MCHR2: variants seen among roughly 807,000 people sequenced by gnomAD.
MCHR2 encodes the protein melanin-concentrating hormone receptor 2.
In MCHR2, 15 loss-of-function variants were observed where a neutral mutation model predicts 24.8. That is an observed-to-expected ratio of 0.60 (90% CI 0.40 to 0.93). The LOEUF (loss-of-function observed/expected upper bound fraction) is 0.93. MCHR2 is among the 40% of genes least tolerant of loss of function. The pLI is 0.00. For missense variants in MCHR2, 386 were observed against 408.7 expected (o/e 0.94, Z 0.48); for synonymous variants, 151 against 147.6 (o/e 1.02, Z -0.17).
intron 5 of MCHR2, among the ~76,000 whole-genome samples, chr6:99,929,095 A>AC (rs1438446305): frequency 1.3e-5 from 2 of 151,792 alleles, no homozygotes; most frequent in Non-Finnish European, 2.9e-5. Flanking sequence ...TTCGTTATAT[A>AC]CCCAGTAGTC....
intron 1 of MCHR2, among the ~76,000 whole-genome samples, chr6:99,977,376 G>A (rs1257775476): frequency 6.6e-6 from 1 of 152,112 alleles, no homozygotes; most frequent in African/African-American, 2.4e-5. Flanking sequence ...TTCACACATA[G>A]TTGGAGGGAA....
At chr6:99,981,178 A>G (rs1480533872) in intron 1 of MCHR2, among the ~76,000 whole-genome samples, 2 of 152,160 alleles carry the variant, frequency 1.3e-5, no homozygotes, top group African/African-American at 4.8e-5. Flanking sequence ...TTTCACTTTA[A>G]AAGTACAGAT....
At chr6:99,980,500 T>C (rs542062240) in intron 1 of MCHR2, among the ~76,000 whole-genome samples, 1 of 152,156 alleles carries the variant, frequency 6.6e-6, no homozygotes, top group African/African-American at 2.4e-5. Flanking sequence ...GGAAGAGCTG[T>C]CCAAATAGTC....
chr6:99,961,563 G>A (rs1775189072), intron 1 of MCHR2, among the ~76,000 whole-genome samples: 1 of 152,098 alleles, frequency 6.6e-6, no homozygotes, highest in Non-Finnish European at 1.5e-5. Flanking sequence ...GCGGGGACAT[G>A]GATGAAGCTG....
At chr6:99,969,706 TC>T (rs1015413230) in intron 1 of MCHR2, among the ~76,000 whole-genome samples, 46 of 87,696 alleles carry the variant, frequency 5.2e-4, no homozygotes, top group Admixed American at 4.0e-3. Flanking sequence ...CTCCTATCCC[TC>T]CCCCCTCCCC....
intron 2 of MCHR2, among the ~76,000 whole-genome samples, chr6:99,948,748 A>T (rs1458581787): frequency 6.6e-6 from 1 of 152,218 alleles, no homozygotes; most frequent in Non-Finnish European, 1.5e-5. Flanking sequence ...TAGTATTTAA[A>T]ACAGCTGAAG....
chr6:99,990,013 G>C (rs1396652556), intron 1 of MCHR2, among the ~76,000 whole-genome samples: 2 of 150,894 alleles, frequency 1.3e-5, no homozygotes, highest in Non-Finnish European at 2.9e-5. Flanking sequence ...AAGATTAAAA[G>C]GCATTTTCAA....
intron 2 of MCHR2, among the ~76,000 whole-genome samples, chr6:99,954,264 G>A (rs1419012933): frequency 6.6e-6 from 1 of 152,098 alleles, no homozygotes; most frequent in Non-Finnish European, 1.5e-5. Context: ...TTTCTTAAAT[G>A]GGTGTAATAA....
At chr6:99,932,171 A>G (rs927846396) in intron 5 of MCHR2, among the ~76,000 whole-genome samples, 1 of 152,256 alleles carries the variant, frequency 6.6e-6, no homozygotes, top group Admixed American at 6.5e-5. Flanking sequence ...TTTAGTGTTT[A>G]AATATGTTAT....
intron 1 of MCHR2, among the ~76,000 whole-genome samples, chr6:99,957,482 A>T: frequency 6.6e-6 from 1 of 152,166 alleles, no homozygotes; most frequent in African/African-American, 2.4e-5. Context: ...GAGAATTTTA[A>T]TCATGAAATG....
chr6:99,955,307 C>T lies in MCHR2; in HGVS notation c.182+659G>A, dbSNP rs1326228740. ...TTATTCTCCAAGTAAAGTTCTTATT[C>T]TGTCTCTCTACTTGAGAGGAGGAAA... is the stretch of plus-strand genomic sequence containing the variant. On this transcript the variant is annotated intron_variant, in intron 2 of 5. Coordinates refer to ENST00000281806, the MANE Select transcript of MCHR2 (RefSeq NM_001040179.2). Among the ~76,000 whole-genome samples the T allele has an allele frequency of 2.0e-5, 3 of 152,124 alleles. No individual in the cohort carries two copies. In the East Asian group the frequency reaches 5.8e-4, roughly 29 times the overall value.
chr6:99,991,764 G>A (rs1198796834), intron 1 of MCHR2, among the ~76,000 whole-genome samples: 3 of 129,722 alleles, frequency 2.3e-5, no homozygotes, highest in Non-Finnish European at 3.1e-5. Flanking sequence ...CAGAGACCGC[G>A]CGACACTGCA....
intron 1 of MCHR2, among the ~76,000 whole-genome samples, chr6:99,993,453 C>G (rs955116356): frequency 2.0e-5 from 3 of 152,172 alleles, no homozygotes; most frequent in African/African-American, 7.2e-5. Flanking sequence ...ACACGGGGAT[C>G]TACCTGGAGG....
chr6:99,933,346 G>T (rs1562119659), intron 5 of MCHR2, among the ~76,000 whole-genome samples: 1 of 152,118 alleles, frequency 6.6e-6, no homozygotes, highest in Non-Finnish European at 1.5e-5. Flanking sequence ...TTTAAAAAAG[G>T]CTCAAGCATT....
chr6:99,988,794 G>A (rs1203268189), intron 1 of MCHR2, among the ~76,000 whole-genome samples: 3 of 152,040 alleles, frequency 2.0e-5, no homozygotes, highest in Non-Finnish European at 4.4e-5. Context: ...TCTTTTTTAC[G>A]TGCATCTTCT....
At chr6:99,936,532 T>C (rs960236329) in intron 4 of MCHR2, among the ~76,000 whole-genome samples, 1 of 152,026 alleles carries the variant, frequency 6.6e-6, no homozygotes, top group Non-Finnish European at 1.5e-5. Context: ...GGGCACTCTA[T>C]TCTGTTCCAT....
At chr6:99,960,797 A>C (rs1775168977) in intron 1 of MCHR2, among the ~76,000 whole-genome samples, 1 of 152,152 alleles carries the variant, frequency 6.6e-6, no homozygotes, top group Non-Finnish European at 1.5e-5. Flanking sequence ...CTGAAACTGG[A>C]CCCCTTCGTT....
intron 1 of MCHR2, among the ~76,000 whole-genome samples, chr6:99,958,771 G>T (rs1775119665): frequency 6.6e-6 from 1 of 152,190 alleles, no homozygotes; most frequent in Non-Finnish European, 1.5e-5. Flanking sequence ...CTGGCACAGT[G>T]CCATATGATC....
intron 1 of MCHR2, among the ~76,000 whole-genome samples, chr6:99,985,151 C>T (rs1243731394): frequency 2.0e-5 from 3 of 151,930 alleles, no homozygotes; most frequent in African/African-American, 7.3e-5. Flanking sequence ...AAAAGAACTG[C>T]AAAACACTGA....
Sources: gnomAD v4.1 joint callset for allele counts (sites outside exome capture counted in the v4.1 genomes callset) on GRCh38, gnomAD v4.1.1 for gene constraint, MANE v1.5 for transcripts, NCBI Gene and HGNC (gene_info 2026-07-23, HGNC 2026-07-21) for gene names.